GPD2: variants seen among roughly 807,000 people sequenced by gnomAD.
GPD2 encodes the protein glycerol-3-phosphate dehydrogenase 2.
Under a neutral mutation model 82.4 loss-of-function variants are expected in GPD2, and 54 were observed. The ratio of observed to expected loss-of-function variants is 0.66; its 90% confidence interval spans 0.53 to 0.82. The LOEUF (loss-of-function observed/expected upper bound fraction) is 0.82, where lower values mean the gene tolerates loss of function less well. Ranked by LOEUF, GPD2 falls within the 40% of genes least tolerant of loss-of-function variation. The pLI, the probability that GPD2 is intolerant of heterozygous loss-of-function variation, is 0.00. For missense variants in GPD2, 748 were observed against 896.2 expected, an observed-to-expected ratio of 0.83 and a Z score of 2.11; for synonymous variants, 288 against 306.1, an observed-to-expected ratio of 0.94 and a Z score of 0.62.
chr2:156,477,925 T>C (rs2105205377), intron 2 of GPD2, among the ~76,000 whole-genome samples: 1 of 152,342 alleles, frequency 6.6e-6, no homozygotes, highest in Non-Finnish European at 1.5e-5. Context: ...CCATCTTTAC[T>C]GGTGCTATCT....
intron 9 of GPD2, among the ~76,000 whole-genome samples, chr2:156,565,829 A>G (rs538833747): frequency 1.1e-4 from 15 of 139,210 alleles, no homozygotes; most frequent in Non-Finnish European, 2.2e-4. Context: ...TTGGTAAGGC[A>G]TGGTTTTGTT....
At position 156,534,247 on chromosome 2, in the gene GPD2, C is replaced by T. The variant is rs969175578; in HGVS notation, c.662-15361C>T. Among the ~76,000 whole-genome samples the T allele has an allele frequency of 9.4e-5, 7 of 74,656 alleles. No homozygotes were observed. The East Asian group carries it at 1.7e-3, about 19-fold the overall frequency. The allele number at this position is 74,656 out of a possible 152,430, so 49.0% of individuals were successfully genotyped here. A position where few individuals can be genotyped will look rare whatever the true frequency, so the allele number is the denominator to read the frequency against. On this transcript the variant is annotated intron_variant, in intron 6 of 16. Transcript: ENST00000438166. ...TTGATGTTTAAATGCCCTTTCTCTT[C>T]TCTCCTCTGCTGTGCCACTCTTCTG...
At chr2:156,494,414 A>G (rs75395391) in intron 2 of GPD2, among the ~76,000 whole-genome samples, 3,812 of 152,276 alleles carry the variant, frequency 0.025, 99 homozygotes, top group African/African-American at 0.066. Flanking sequence ...TAATGAGTCA[A>G]CAGTTACATT....
intron 9 of GPD2, among the ~76,000 whole-genome samples, chr2:156,567,615 A>G (rs917009750): frequency 3.3e-5 from 5 of 152,148 alleles, no homozygotes; most frequent in African/African-American, 9.7e-5. Flanking sequence ...CAGCAGGACC[A>G]GGTAGGCATT....
intron 16 of GPD2, among the ~76,000 whole-genome samples, chr2:156,582,467 C>A (rs1688058767): frequency 7.4e-6 from 1 of 135,102 alleles, no homozygotes. Flanking sequence ...AATTAAAGAT[C>A]CAATATTTGA....
At chr2:156,401,136 A>G in the GPD2 span, among the ~76,000 whole-genome samples, 3 of 152,176 alleles carry the variant, frequency 2.0e-5, no homozygotes, top group Non-Finnish European at 4.4e-5. Flanking sequence ...AAAAAACTAG[A>G]AGTCAAAACT....
chr2:156,552,440 T>C (rs1686794006), intron 8 of GPD2, among the ~76,000 whole-genome samples: 1 of 152,236 alleles, frequency 6.6e-6, no homozygotes, highest in Non-Finnish European at 1.5e-5. Context: ...CGCTTTTGTG[T>C]TCGATTAAAA....
chr2:156,491,272 G>T (rs1684165277), intron 2 of GPD2, among the ~76,000 whole-genome samples: 2 of 152,202 alleles, frequency 1.3e-5, no homozygotes, highest in South Asian at 4.1e-4. Flanking sequence ...CTGTAAAGAG[G>T]CAGAGAGTAA....
At chr2:156,502,230 A>T (rs1381062780) in intron 3 of GPD2, among the ~76,000 whole-genome samples, 9 of 152,126 alleles carry the variant, frequency 5.9e-5, no homozygotes, top group East Asian at 1.9e-4. Context: ...GTATATGTAA[A>T]TTTTTTTTAA....
chr2:156,497,173 C>T (rs769226818), intron 3 of GPD2, among the ~76,000 whole-genome samples: 7 of 151,928 alleles, frequency 4.6e-5, no homozygotes, highest in South Asian at 4.2e-4. Flanking sequence ...TGTTGGTGGA[C>T]GGGGGGCAAA....
At chr2:156,553,141 G>A (rs773552873) in intron 8 of GPD2, among the ~76,000 whole-genome samples, 30 of 151,732 alleles carry the variant, frequency 2.0e-4, no homozygotes, top group East Asian at 3.9e-4. Flanking sequence ...TGCCCGCCTC[G>A]CCTCCCAAAG....
chr2:156,437,904 T>C (rs971363382), intron 1 of GPD2, among the ~76,000 whole-genome samples: 1 of 152,196 alleles, frequency 6.6e-6, no homozygotes, highest in Non-Finnish European at 1.5e-5. Context: ...TTTTAAAAGA[T>C]TTGATGATTA....
At chr2:156,564,525 C>A (rs1357933022) in intron 9 of GPD2, among the ~76,000 whole-genome samples, 4 of 152,016 alleles carry the variant, frequency 2.6e-5, no homozygotes, top group Non-Finnish European at 4.4e-5. Flanking sequence ...TGTGCTGTGC[C>A]CCTTAGACAT....
intron 13 of GPD2, among the ~76,000 whole-genome samples, chr2:156,572,534 T>C (rs1004372774): frequency 3.3e-5 from 5 of 152,138 alleles, no homozygotes; most frequent in African/African-American, 7.2e-5. Context: ...ATCCAGATCA[T>C]TGGATATGTC....
the GPD2 span, among the ~76,000 whole-genome samples, chr2:156,412,833 A>G: frequency 2.0e-5 from 3 of 152,214 alleles, no homozygotes; most frequent in Non-Finnish European, 2.9e-5. Flanking sequence ...TGAGTGGCTC[A>G]TGCTTGTAAT....
chr2:156,446,595 G>T (rs1365265639), intron 1 of GPD2, among the ~76,000 whole-genome samples: 2 of 149,702 alleles, frequency 1.3e-5, no homozygotes, highest in Non-Finnish European at 3.0e-5. Flanking sequence ...TTTTTTTTAA[G>T]ATGGAGTCTG....
intron 9 of GPD2, among the ~76,000 whole-genome samples, chr2:156,568,153 T>G (rs1687459416): frequency 6.6e-6 from 1 of 152,164 alleles, no homozygotes; most frequent in African/African-American, 2.4e-5. Context: ...TTACCATATA[T>G]AAGATATTTG....
intron 1 of GPD2, among the ~76,000 whole-genome samples, chr2:156,457,894 C>T (rs1216246027): frequency 2.0e-5 from 3 of 152,188 alleles, no homozygotes; most frequent in Non-Finnish European, 2.9e-5. Flanking sequence ...TATATTACCT[C>T]GAATTCTCAG....
At chr2:156,580,938 C>A (rs1040552307) in intron 16 of GPD2, among the ~76,000 whole-genome samples, 1 of 152,054 alleles carries the variant, frequency 6.6e-6, no homozygotes, top group Non-Finnish European at 1.5e-5. Flanking sequence ...TTTATTGTTG[C>A]CCTCACAATG....
Sources: allele counts gnomAD v4.1 joint callset (sites outside exome capture counted in the v4.1 genomes callset), GRCh38; gene constraint gnomAD v4.1.1; transcripts MANE v1.5; gene names NCBI Gene and HGNC (gene_info 2026-07-23, HGNC 2026-07-21).